CCSER1: variants seen among roughly 807,000 people sequenced by gnomAD.
CCSER1 encodes serine-rich coiled-coil domain-containing protein 1.
Under a neutral mutation model 82.0 loss-of-function variants are expected in CCSER1, and 41 were observed. The ratio of observed to expected loss-of-function variants is 0.50; its 90% CI spans 0.39 to 0.65. The LOEUF (loss-of-function observed/expected upper bound fraction) is 0.65, where lower values mean the gene tolerates loss of function less well. Among genes scored for constraint, CCSER1 ranks in the 30% least tolerant of loss-of-function variants. The pLI is 0.00. For missense variants in CCSER1, 1,119 were observed against 1,064.2 expected, an observed-to-expected ratio of 1.05 and a Z score of -0.72; for synonymous variants, 414 against 383.9, an observed-to-expected ratio of 1.08 and a Z score of -0.92.
At chr4:91,550,491 T>C (rs1038522758) in intron 10 of CCSER1, among the ~76,000 whole-genome samples, 3 of 152,218 alleles carry the variant, frequency 2.0e-5, no homozygotes, top group Non-Finnish European at 2.9e-5. Context: ...GAGAATGCGA[T>C]TTGTGCTGTA....
intron 9 of CCSER1, among the ~76,000 whole-genome samples, chr4:91,005,300 G>A (rs577691250): frequency 3.9e-4 from 60 of 152,058 alleles, no homozygotes; most frequent in African/African-American, 1.3e-3. Context: ...GTAAATTTGT[G>A]GTGATTTAGC....
chr4:91,078,686 C>CT (rs1561528452), intron 9 of CCSER1, among the ~76,000 whole-genome samples: 2 of 152,092 alleles, frequency 1.3e-5, no homozygotes, highest in Admixed American at 6.5e-5. Flanking sequence ...ACCTTGAAAA[C>CT]AGAGTAAACA....
At chr4:90,781,559 A>G (rs1753788468) in intron 7 of CCSER1, 5 of 978,552 alleles carry the variant, frequency 5.1e-6, no homozygotes, top group Non-Finnish European at 6.1e-6. Flanking sequence ...TATGAAATAC[A>G]TAAATGAGTT....
At chr4:91,537,529 T>C (rs1578728306) in intron 10 of CCSER1, among the ~76,000 whole-genome samples, 1 of 151,968 alleles carries the variant, frequency 6.6e-6, no homozygotes, top group Non-Finnish European at 1.5e-5. Flanking sequence ...AAAAATGGTA[T>C]GAAACTTTTA....
intron 10 of CCSER1, among the ~76,000 whole-genome samples, chr4:91,261,888 A>G (rs1741211448): frequency 6.6e-6 from 1 of 152,176 alleles, no homozygotes; most frequent in Non-Finnish European, 1.5e-5. Flanking sequence ...ACTGTCCAAA[A>G]TATATGCTTA....
chr4:90,712,205 T>C (rs539010988), intron 6 of CCSER1, among the ~76,000 whole-genome samples: 2 of 152,160 alleles, frequency 1.3e-5, no homozygotes, highest in South Asian at 4.1e-4. Flanking sequence ...TATTTGCTCT[T>C]GGTTCTCTAG....
At chr4:90,742,532 AG>A (rs1242068079) in intron 7 of CCSER1, among the ~76,000 whole-genome samples, 4 of 152,158 alleles carry the variant, frequency 2.6e-5, no homozygotes, top group Non-Finnish European at 2.9e-5. Context: ...GAGCACTCAG[AG>A]GGAAGATTGC....
At chr4:90,591,111 G>A (rs1448324053) in intron 5 of CCSER1, among the ~76,000 whole-genome samples, 1 of 152,046 alleles carries the variant, frequency 6.6e-6, no homozygotes, top group African/African-American at 2.4e-5. Flanking sequence ...TCTAATATTG[G>A]TGTATAGGAA....
At chr4:90,396,927 G>A (rs568144955) in intron 3 of CCSER1, among the ~76,000 whole-genome samples, 14 of 152,058 alleles carry the variant, frequency 9.2e-5, no homozygotes, top group Non-Finnish European at 1.8e-4. Context: ...CAATATCAGT[G>A]CTAGCTGTCG....
chr4:90,134,600 T>G (rs1723348085), intron 1 of CCSER1, among the ~76,000 whole-genome samples: 1 of 152,238 alleles, frequency 6.6e-6, no homozygotes, highest in African/African-American at 2.4e-5. Context: ...ACATTAGATA[T>G]TCCACTTCAT....
chr4:90,470,458 A>G (rs1764206025), intron 5 of CCSER1, among the ~76,000 whole-genome samples: 1 of 152,218 alleles, frequency 6.6e-6, no homozygotes, highest in Non-Finnish European at 1.5e-5. Flanking sequence ...CCAGTGACAG[A>G]AGCCAAATGC....
chr4:90,708,923 C>T (rs760910035), intron 6 of CCSER1, among the ~76,000 whole-genome samples: 3 of 152,064 alleles, frequency 2.0e-5, no homozygotes, highest in Non-Finnish European at 4.4e-5. Flanking sequence ...AAGGCATTAG[C>T]TTTGGAGGGA....
intron 10 of CCSER1, among the ~76,000 whole-genome samples, chr4:91,234,206 C>G (rs1243722230): frequency 6.6e-6 from 1 of 152,004 alleles, no homozygotes; most frequent in Non-Finnish European, 1.5e-5. Flanking sequence ...AGTCAGGTCT[C>G]CTTGTTCGCT....
chr4:90,264,979 G>T (rs186638055), intron 1 of CCSER1, among the ~76,000 whole-genome samples: 1 of 151,806 alleles, frequency 6.6e-6, no homozygotes. Flanking sequence ...TAAATTGAGG[G>T]TATAATTTTC....
intron 10 of CCSER1, among the ~76,000 whole-genome samples, chr4:91,404,971 A>G (rs1252750612): frequency 2.0e-5 from 3 of 152,112 alleles, no homozygotes; most frequent in Non-Finnish European, 4.4e-5. Context: ...TGTCTTGTTG[A>G]TCTGTCTAAT....
intron 10 of CCSER1, among the ~76,000 whole-genome samples, chr4:91,143,667 T>C (rs1206778759): frequency 6.6e-6 from 1 of 152,004 alleles, no homozygotes; most frequent in Non-Finnish European, 1.5e-5. Context: ...GTTTCTTTAG[T>C]ATTTTTTTAA....
At chr4:90,161,030 A>G (rs754884308) in intron 1 of CCSER1, among the ~76,000 whole-genome samples, 2 of 152,182 alleles carry the variant, frequency 1.3e-5, no homozygotes, top group African/African-American at 2.4e-5. Flanking sequence ...TAAAAGAGAA[A>G]CAAGGCCAAA....
rs116605312 is a variant in CCSER1, at chr4:91,500,410, A to G, written c.2218-98162A>G. Among the ~76,000 whole-genome samples, 627 of 152,148 alleles carry G rather than the reference A, an allele frequency of 4.1e-3. 7 individuals carry two copies. Among genetic ancestry groups the G allele is most frequent in the African/African-American group, 0.014 (580 of 41,550 alleles). ...ACATCTGCAAATATTTTCTCCTGGTATATGACTTGGCTTCTCATTTTCTTG... is the reference window on the plus strand; with the variant it reads ...ACATCTGCAAATATTTTCTCCTGGTGTATGACTTGGCTTCTCATTTTCTTG... On this transcript the variant is annotated intron_variant, in intron 10 of 10. Coordinates refer to ENST00000509176, the MANE Select transcript of CCSER1 (RefSeq NM_001145065.2).
At chr4:90,848,425 A>G (rs1181043870) in intron 8 of CCSER1, among the ~76,000 whole-genome samples, 1 of 152,238 alleles carries the variant, frequency 6.6e-6, no homozygotes, top group Non-Finnish European at 1.5e-5. Flanking sequence ...ATATCTTATA[A>G]GTAAATTTCT....
Sources: gnomAD v4.1 joint callset for allele counts (sites outside exome capture counted in the v4.1 genomes callset) on GRCh38, gnomAD v4.1.1 for gene constraint, MANE v1.5 for transcripts, NCBI Gene and HGNC (gene_info 2026-07-23, HGNC 2026-07-21) for gene names.